The following UBE2R2 variants were observed in gnomAD, a reference collection of about 807,000 sequenced individuals.
The protein encoded by UBE2R2 is ubiquitin-conjugating enzyme E2 R2.
UBE2R2 carries 1 observed loss-of-function variant against 27.8 expected under a neutral mutation model. The ratio of observed to expected loss-of-function variants is 0.04; its 90% CI spans 0.01 to 0.17. UBE2R2 has a LOEUF of 0.17. Among genes scored for constraint, UBE2R2 ranks in the 10% least tolerant of loss-of-function variants. The pLI is 1.00. For synonymous variants in UBE2R2, 106 were observed against 113.3 expected (o/e 0.94, Z 0.41); for missense variants, 100 against 291.0 (o/e 0.34, Z 4.78).
intron 1 of UBE2R2, among the ~76,000 whole-genome samples, chr9:33,845,408 G>A (rs917649615): frequency 1.3e-5 from 2 of 151,250 alleles, no homozygotes; most frequent in African/African-American, 4.9e-5. Context: ...CACCACACCC[G>A]GCTCATTTTT....
At chr9:33,842,623 G>T (rs1053811339) in intron 1 of UBE2R2, among the ~76,000 whole-genome samples, 1 of 152,196 alleles carries the variant, frequency 6.6e-6, no homozygotes, top group East Asian at 1.9e-4. Flanking sequence ...ACTGCTAAAT[G>T]CAGATACTAG....
intron 2 of UBE2R2, among the ~76,000 whole-genome samples, chr9:33,895,751 T>G (rs1037779932): frequency 5.3e-5 from 8 of 151,244 alleles, no homozygotes; most frequent in Non-Finnish European, 1.0e-4. Flanking sequence ...ATGACTAGAT[T>G]TATTCTCTCT....
At chr9:33,857,475 C>T (rs1157672611) in intron 1 of UBE2R2, among the ~76,000 whole-genome samples, 2 of 152,024 alleles carry the variant, frequency 1.3e-5, no homozygotes, top group Non-Finnish European at 2.9e-5. Context: ...TGCGCCACCA[C>T]ACCTGGCTAG....
intron 1 of UBE2R2, among the ~76,000 whole-genome samples, chr9:33,857,291 A>T (rs1286502918): frequency 6.6e-6 from 1 of 151,704 alleles, no homozygotes; most frequent in Non-Finnish European, 1.5e-5. Flanking sequence ...GTTCATTCTA[A>T]TGTTAAACTG....
At chr9:33,852,891 C>T (rs367729707) in intron 1 of UBE2R2, among the ~76,000 whole-genome samples, 4 of 152,116 alleles carry the variant, frequency 2.6e-5, no homozygotes, top group South Asian at 2.1e-4. Flanking sequence ...ACCTGTAATC[C>T]CAGCTACTTG....
chr9:33,897,024 ATTTTTTTTTT>A (rs749987839), intron 2 of UBE2R2, among the ~76,000 whole-genome samples: 52 of 40,638 alleles, frequency 1.3e-3, no homozygotes, highest in African/African-American at 4.5e-3. Context: ...CTGTGGCCTA[ATTTTTTTTTT>A]TTTTTTTTTT....
At chr9:33,863,875 A>T (rs1022188033) in intron 1 of UBE2R2, among the ~76,000 whole-genome samples, 3 of 151,908 alleles carry the variant, frequency 2.0e-5, no homozygotes, top group Non-Finnish European at 2.9e-5. Flanking sequence ...TTTAGTAGAG[A>T]TGGGATTTCA....
chr9:33,882,075 G>A (rs1237389545), intron 1 of UBE2R2, among the ~76,000 whole-genome samples: 1 of 152,046 alleles, frequency 6.6e-6, no homozygotes, highest in Non-Finnish European at 1.5e-5. Context: ...TATGTATTTT[G>A]TAGCTTCGAT....
At chr9:33,837,074 T>A (rs1587433768) in intron 1 of UBE2R2, among the ~76,000 whole-genome samples, 1 of 152,184 alleles carries the variant, frequency 6.6e-6, no homozygotes, top group East Asian at 1.9e-4. Flanking sequence ...AAACTCATGT[T>A]TTTCAGCATT....
In UBE2R2 at chr9:33,917,834, G is replaced by A. The variant is rs1345692225; in HGVS notation, c.*597G>A. ...AGGCTGGGACATGGTGGGCATCAGG[G>A]ACTTTGTGCTAAGCCTGATGAAATG... On this transcript the variant is annotated 3_prime_UTR_variant, in exon 5 of 5. Coordinates refer to ENST00000263228, the MANE Select transcript of UBE2R2 (RefSeq NM_017811.4). 1 of 154,482 alleles carries A rather than the reference G, an allele frequency of 6.5e-6. No individual in the cohort carries two copies. The highest frequency in any genetic ancestry group is 6.5e-5 in the Admixed American group (1 of 15,304). 9.6% of individuals were successfully genotyped at this position (154,482 alleles called of 1,614,324 possible). A position where few individuals can be genotyped will look rare whatever the true frequency, so the allele number is the denominator to read the frequency against.
chr9:33,916,867 G>T (rs970439885), intron 4 of UBE2R2, 151 bp from the exon 5 acceptor site: 2 of 1,250,670 alleles, frequency 1.6e-6, no homozygotes, highest in Non-Finnish European at 1.1e-6. Context: ...AAAGCATTTG[G>T]TGTAGTACAG....
intron 1 of UBE2R2, among the ~76,000 whole-genome samples, chr9:33,820,483 A>G (rs1466912139): frequency 6.6e-6 from 1 of 152,206 alleles, no homozygotes; most frequent in Non-Finnish European, 1.5e-5. Context: ...TTCATTAGAA[A>G]AAGGCAAATT....
At chr9:33,911,607 TGAAACAGGGC>T (rs1822492974) in intron 3 of UBE2R2, among the ~76,000 whole-genome samples, 1 of 152,092 alleles carries the variant, frequency 6.6e-6, no homozygotes, top group African/African-American at 2.4e-5. Context: ...TGTGACCAGT[TGAAACAGGGC>T]CTTCTATCAA....
chr9:33,916,879 G>T (rs1339690445), intron 4 of UBE2R2, 139 bp from the exon 5 acceptor site: 6 of 1,332,204 alleles, frequency 4.5e-6, no homozygotes, highest in Non-Finnish European at 5.0e-6. Context: ...GTAGTACAGG[G>T]TATCTGTCAG....
At chr9:33,853,805 G>GTC (rs1221113231) in intron 1 of UBE2R2, among the ~76,000 whole-genome samples, 2 of 139,308 alleles carry the variant, frequency 1.4e-5, no homozygotes, top group Non-Finnish European at 3.0e-5. Context: ...TTGAGACAGG[G>GTC]TCTCTCTCTG....
chr9:33,853,072 G>A (rs1020237193), intron 1 of UBE2R2, among the ~76,000 whole-genome samples: 16 of 151,970 alleles, frequency 1.1e-4, no homozygotes, highest in Non-Finnish European at 2.2e-4. Context: ...AAGATGGAAG[G>A]CCCAACTGTT....
intron 2 of UBE2R2, among the ~76,000 whole-genome samples, chr9:33,893,617 T>C (rs528075357): frequency 2.6e-5 from 4 of 152,240 alleles, no homozygotes; most frequent in East Asian, 1.9e-4. Context: ...GGGAATTCTA[T>C]GTTTAACTTT....
intron 1 of UBE2R2, among the ~76,000 whole-genome samples, chr9:33,836,042 C>A (rs1158260766): frequency 6.6e-6 from 1 of 152,218 alleles, no homozygotes; most frequent in Non-Finnish European, 1.5e-5. Context: ...GTGGCTCACG[C>A]CTGTTATCCC....
intron 1 of UBE2R2, among the ~76,000 whole-genome samples, chr9:33,832,523 G>T (rs1189128661): frequency 6.6e-6 from 1 of 151,676 alleles, no homozygotes; most frequent in African/African-American, 2.4e-5. Flanking sequence ...TGCGCTTCGC[G>T]GCCAGCACCT....
Sources: gnomAD v4.1 joint callset for allele counts (sites outside exome capture counted in the v4.1 genomes callset) on GRCh38, gnomAD v4.1.1 for gene constraint, MANE v1.5 for transcripts, NCBI Gene and HGNC (gene_info 2026-07-23, HGNC 2026-07-21) for gene names.